Variants in CDHR3 observed in about 807,000 individuals in gnomAD.
The protein encoded by CDHR3 is cadherin related family member 3.
CDHR3 carries 79 observed loss-of-function variants against 86.6 expected under a neutral mutation model. The ratio of observed to expected loss-of-function variants is 0.91; its 90% CI spans 0.76 to 1.10. The LOEUF (loss-of-function observed/expected upper bound fraction) is 1.10. Among genes scored for constraint, CDHR3 ranks in the 50% least tolerant of loss-of-function variants. The pLI is 0.00. For synonymous variants in CDHR3, 421 were observed against 402.4 expected, an observed-to-expected ratio of 1.05 and a Z score of -0.55; for missense variants, 1,081 against 1,077.6, an observed-to-expected ratio of 1.00 and a Z score of -0.04.
chr7:106,004,257 G>A (rs1833627367), intron 7 of CDHR3, among the ~76,000 whole-genome samples: 1 of 152,220 alleles, frequency 6.6e-6, no homozygotes, highest in South Asian at 2.1e-4. Flanking sequence ...CTGGGCAAGG[G>A]CCGCCACCAG....
chr7:105,979,510 C>T (rs1024572609), intron 2 of CDHR3, among the ~76,000 whole-genome samples: 5 of 152,214 alleles, frequency 3.3e-5, no homozygotes, highest in African/African-American at 1.2e-4. Context: ...GAAGCCTTCC[C>T]CAGCTAAACA....
chr7:106,021,158 C>T (rs1738528987), intron 13 of CDHR3, among the ~76,000 whole-genome samples: 1 of 152,092 alleles, frequency 6.6e-6, no homozygotes, highest in South Asian at 2.1e-4. Flanking sequence ...TAAAAATATA[C>T]CATCGTAGGG....
chr7:106,016,725 A>G (rs2115859261), intron 11 of CDHR3, among the ~76,000 whole-genome samples: 1 of 152,378 alleles, frequency 6.6e-6, no homozygotes, highest in East Asian at 1.9e-4. Context: ...AAAATGATCC[A>G]TTCTCTTTAG....
At chr7:106,023,422 C>T (rs574945480) in intron 14 of CDHR3, among the ~76,000 whole-genome samples, 2 of 152,328 alleles carry the variant, frequency 1.3e-5, no homozygotes, top group Admixed American at 6.5e-5. Flanking sequence ...CAGGTGCTAT[C>T]ACAGAATTGG....
At chr7:106,009,462 A>C (rs1360292408) in intron 8 of CDHR3, among the ~76,000 whole-genome samples, 1 of 152,256 alleles carries the variant, frequency 6.6e-6, no homozygotes, top group Non-Finnish European at 1.5e-5. Flanking sequence ...AAAACAGAAC[A>C]AAGTGACAAT....
chr7:106,004,510 T>C lies in CDHR3; in HGVS notation c.875T>C (p.Ile292Thr). Reference protein sequence around the residue: ...YFMINQLTGTIQVAQRIDRDA... With the variant: ...YFMINQLTGTTQVAQRIDRDA... ...TTTGCTTTCTCAGTGACTGGTACAA[T>C]CCAAGTGGCCCAAAGGATAGACCGA... Residue 292 changes from isoleucine (I) to threonine (T), a missense_variant, in exon 8 of 19, where the codon ATC becomes ACC. By Grantham distance (89) the Ile-to-Thr change is moderately conservative. Transcript: ENST00000317716. 6.2e-7 allele frequency: 1 copy of C among 1,613,934 alleles called. No homozygotes were observed.
intron 6 of CDHR3, among the ~76,000 whole-genome samples, chr7:105,997,175 A>G (rs1395159759): frequency 6.6e-6 from 1 of 152,198 alleles, no homozygotes. Flanking sequence ...ATAAAAGACC[A>G]TTAGGCCTCA....
intron 1 of CDHR3, among the ~76,000 whole-genome samples, chr7:105,966,596 A>G (rs561683948): frequency 6.6e-6 from 1 of 152,258 alleles, no homozygotes; most frequent in South Asian, 2.1e-4. Flanking sequence ...TCTTTCTGTC[A>G]GCCAATTAAC....
chr7:105,985,058 CAA>C (rs3999857), intron 4 of CDHR3, among the ~76,000 whole-genome samples: 2,051 of 141,286 alleles, frequency 0.015, 21 homozygotes, highest in East Asian at 0.027. Flanking sequence ...GACCCTGTCT[CAA>C]AAAAAAAAAA....
At chr7:105,986,616 A>G (rs947453438) in intron 4 of CDHR3, among the ~76,000 whole-genome samples, 2 of 152,248 alleles carry the variant, frequency 1.3e-5, no homozygotes, top group African/African-American at 4.8e-5. Context: ...TTTATGCTGA[A>G]GTTCAATGAA....
At chr7:105,999,564 A>G (rs772600245) in intron 6 of CDHR3, among the ~76,000 whole-genome samples, 1 of 152,114 alleles carries the variant, frequency 6.6e-6, no homozygotes, top group Non-Finnish European at 1.5e-5. Flanking sequence ...AAAATCAAAC[A>G]TGTTCAGACA....
chr7:105,977,191 C>T (rs1828959179), intron 2 of CDHR3, among the ~76,000 whole-genome samples: 1 of 152,072 alleles, frequency 6.6e-6, no homozygotes, highest in African/African-American at 2.4e-5. Flanking sequence ...ATAACAGAGA[C>T]CCAGCAAGTT....
rs187822629 is a variant in CDHR3, at chr7:105,984,407, C to A, written c.513+118C>A. On this transcript the variant is annotated intron_variant, in intron 4 of 18. Coordinates refer to ENST00000317716, the MANE Select transcript of CDHR3 (RefSeq NM_152750.5). The stretch of plus-strand genomic sequence containing the variant: ...CAGTGGCAGTCAGGGGAATGTGCGT[C>A]CACTTCCAAACACAGTGTATGCAGG... 3.4e-5 allele frequency: 21 copies of A among 616,762 alleles called. No individual in the cohort carries two copies. The East Asian group carries it at 5.8e-4, about 17-fold the overall frequency. The allele number at this position is 616,762 out of a possible 1,614,324, so 38.2% of individuals were successfully genotyped here. A position where few individuals can be genotyped will look rare whatever the true frequency, so the allele number is the denominator to read the frequency against.
chr7:106,012,089 A>G (rs1436798480), intron 8 of CDHR3, among the ~76,000 whole-genome samples: 3 of 152,178 alleles, frequency 2.0e-5, no homozygotes, highest in Non-Finnish European at 2.9e-5. Context: ...CTTCTTCACT[A>G]CTGTGCTAGT....
At position 106,030,739 on chromosome 7, in the gene CDHR3, C is replaced by T; in HGVS notation, c.2305-53C>T. The T allele has an allele frequency of 3.8e-6, 6 of 1,561,620 alleles. No individual in the cohort carries two copies. The highest frequency in any genetic ancestry group is 5.2e-6 in the Non-Finnish European group (6 of 1,143,140). On this transcript the variant is annotated intron_variant, in intron 17 of 18. Coordinates refer to ENST00000317716, the MANE Select transcript of CDHR3 (RefSeq NM_152750.5). The surrounding 1 kb of genome is among the most constrained non-coding windows in gnomAD (Gnocchi z 4.8). Reference sequence around the variant, plus strand: ...GGGTTGTGAGGATGTGTAGCTTTGCCTGGGGGAAGGAATGTAGGATTGTGT... The same window carrying T: ...GGGTTGTGAGGATGTGTAGCTTTGCTTGGGGGAAGGAATGTAGGATTGTGT...
At position 106,015,161 on chromosome 7, in the gene CDHR3, T is replaced by C; in HGVS notation, c.1275T>C (p.Asn425=). 6.2e-7 allele frequency: 1 copy of C among 1,611,842 alleles called. No homozygotes were observed. The highest frequency in any genetic ancestry group is 1.1e-5 in the South Asian group (1 of 90,168). Residue 425 remains asparagine, a synonymous_variant, in exon 10 of 19, where the codon AAT becomes AAC. Transcript: ENST00000317716. ...ATCCAAGTAACCTAGCAGCCGGCAATAAATATACGGTGATAATCCAGGTGC... is the reference window on the plus strand; with the variant it reads ...ATCCAAGTAACCTAGCAGCCGGCAACAAATATACGGTGATAATCCAGGTGC... ...YENPSNLAAG[N]KYTVIIQVQD... is the part of the protein sequence containing the mutation.
chr7:105,969,192 C>T (rs924255061), intron 1 of CDHR3, among the ~76,000 whole-genome samples: 201 of 147,216 alleles, frequency 1.4e-3, no homozygotes, highest in African/African-American at 4.6e-3. Context: ...GTCAGGAGAT[C>T]GAGACCATCC....
Position 106,033,465 on chromosome 7 carries a change from A to G in CDHR3, c.*768A>G, listed in dbSNP as rs899965589. 6.6e-6 allele frequency: 1 copy of G among 152,238 alleles called. No individual in the cohort carries two copies. Among genetic ancestry groups the G allele is most frequent in the Non-Finnish European group, 1.5e-5 (1 of 68,038 alleles). 9.4% of individuals were successfully genotyped at this position (152,238 alleles called of 1,614,324 possible). A position where few individuals can be genotyped will look rare whatever the true frequency, so the allele number is the denominator to read the frequency against. On this transcript the variant is annotated 3_prime_UTR_variant, in exon 19 of 19. Transcript: ENST00000317716. ...ATATACTTAAAAGTGAACTACAGGC[A>G]GGGCATGATGGCTCATGCCTGTAAT...
At chr7:105,972,329 G>C (rs1342780262) in intron 1 of CDHR3, among the ~76,000 whole-genome samples, 1 of 152,160 alleles carries the variant, frequency 6.6e-6, no homozygotes, top group East Asian at 1.9e-4. Flanking sequence ...GGCTAGGCAC[G>C]ATCTTACCCT....
Sources: allele counts gnomAD v4.1 joint callset (sites outside exome capture counted in the v4.1 genomes callset), GRCh38; gene constraint gnomAD v4.1.1; non-coding constraint Gnocchi (gnomAD v3.1); transcripts MANE v1.5; gene names NCBI Gene and HGNC (gene_info 2026-07-23, HGNC 2026-07-21).